The following LRRC18 variants were observed in gnomAD, a reference collection of about 807,000 sequenced individuals.
LRRC18 encodes leucine-rich repeat-containing protein 18.
LRRC18 carries 12 observed loss-of-function variants against 11.2 expected under a neutral mutation model. That is an observed-to-expected ratio of 1.07 (90% confidence interval 0.69 to 1.74). The LOEUF (loss-of-function observed/expected upper bound fraction) is 1.74, where lower values mean the gene tolerates loss of function less well. Ranked by LOEUF, LRRC18 falls within the 40% of genes most tolerant of loss-of-function variation. The pLI is 0.00. For missense variants in LRRC18, 374 were observed against 330.5 expected, an observed-to-expected ratio of 1.13 and a Z score of -1.02; for synonymous variants, 155 against 130.6, an observed-to-expected ratio of 1.19 and a Z score of -1.27.
upstream of LRRC18, among the ~76,000 whole-genome samples, chr10:48,915,042 C>T (rs959012399): frequency 6.6e-6 from 1 of 152,196 alleles, no homozygotes; most frequent in African/African-American, 2.4e-5. Flanking sequence ...GGGATTCTGG[C>T]TTCTGCATGC....
At chr10:48,932,905 G>A in the LRRC18 span, among the ~76,000 whole-genome samples, 1 of 152,168 alleles carries the variant, frequency 6.6e-6, no homozygotes. Flanking sequence ...GGAAGAGGGT[G>A]TAAGCTGGAG....
the LRRC18 span, among the ~76,000 whole-genome samples, chr10:48,928,590 C>A: frequency 1.2e-4 from 18 of 152,292 alleles, no homozygotes; most frequent in African/African-American, 4.3e-4. Context: ...CAAGAGGACA[C>A]ATTGCTCCTT....
exon 1 of LRRC18, chr10:48,914,009 A>G: frequency 1.9e-6 from 3 of 1,614,150 alleles, no homozygotes; most frequent in East Asian, 2.2e-5. Context: ...CCATGTCACT[A>G]AGGCGCAGAA....
chr10:48,913,658 G>C, exon 1 of LRRC18: 1 of 1,613,770 alleles, frequency 6.2e-7, no homozygotes, highest in Non-Finnish European at 8.5e-7. Flanking sequence ...TCAGCTTGGG[G>C]AGCTTGGAGA....
chr10:48,914,985 C>T (rs541155977), upstream of LRRC18, among the ~76,000 whole-genome samples: 10 of 152,260 alleles, frequency 6.6e-5, no homozygotes, highest in Admixed American at 1.3e-4. Context: ...GATAAATGGC[C>T]GTGACTGCCT....
upstream of LRRC18, among the ~76,000 whole-genome samples, chr10:48,918,857 A>C (rs970686970): frequency 6.6e-6 from 1 of 152,230 alleles, no homozygotes; most frequent in Non-Finnish European, 1.5e-5. Context: ...ATAGCTGCCC[A>C]CTAGTTGTAA....
upstream of LRRC18, among the ~76,000 whole-genome samples, chr10:48,919,173 A>G (rs1838823813): frequency 6.6e-6 from 1 of 152,024 alleles, no homozygotes; most frequent in Admixed American, 6.6e-5. Flanking sequence ...CAGACTGACA[A>G]TTTAAAAAAA....
At chr10:48,916,251 C>A (rs189844453), upstream of LRRC18, among the ~76,000 whole-genome samples, 332 of 152,282 alleles carry the variant, frequency 2.2e-3, 1 homozygote, top group African/African-American at 7.7e-3. Context: ...AAACTTTGCA[C>A]CAGATGAGGA....
In LRRC18 at chr10:48,913,718, G is replaced by GAGCT; in HGVS notation, c.434_437dup (p.His147AlafsTer8). On this transcript the variant is annotated frameshift_variant, in exon 1 of 2. Coordinates refer to ENST00000374160, the Ensembl canonical transcript of LRRC18. LOFTEE classifies it high-confidence loss of function. ...GGTTGTCATGGAGCCCTACCTCGTG[G>GAGCT]AGCTCCTTCAGGGCCCCCAGTGTGG... The GAGCT allele has an allele frequency of 6.2e-7, 1 of 1,612,902 alleles. No individual in the cohort carries two copies.
At chr10:48,934,221 T>C in the LRRC18 span, among the ~76,000 whole-genome samples, 14 of 152,344 alleles carry the variant, frequency 9.2e-5, no homozygotes, top group East Asian at 2.7e-3. Flanking sequence ...TGTTGATAAA[T>C]GTATGGAGAA....
At chr10:48,911,239 C>T (rs1354890709) in intron 1 of LRRC18, among the ~76,000 whole-genome samples, 3 of 152,146 alleles carry the variant, frequency 2.0e-5, no homozygotes, top group South Asian at 2.1e-4. Flanking sequence ...TGAGTCATTT[C>T]AGACAGTAGG....
the LRRC18 span, among the ~76,000 whole-genome samples, chr10:48,936,781 T>A: frequency 1.4e-5 from 2 of 144,926 alleles, no homozygotes; most frequent in African/African-American, 5.1e-5. Context: ...GAGGTTGCAG[T>A]GAGCCGAGAT....
chr10:48,918,255 G>A (rs1185489561), upstream of LRRC18, among the ~76,000 whole-genome samples: 1 of 152,128 alleles, frequency 6.6e-6, no homozygotes, highest in Non-Finnish European at 1.5e-5. Flanking sequence ...AAGTGAAAGT[G>A]ACCTACATGC....
the LRRC18 span, among the ~76,000 whole-genome samples, chr10:48,921,553 C>T: frequency 2.0e-5 from 3 of 151,686 alleles, no homozygotes; most frequent in Non-Finnish European, 4.4e-5. Context: ...CAGGCAAAAG[C>T]ACAATTTACA....
chr10:48,933,536 G>A, the LRRC18 span, among the ~76,000 whole-genome samples: 1 of 152,232 alleles, frequency 6.6e-6, no homozygotes. Context: ...ATGCTGGCAG[G>A]AGCTGAGCTA....
At chr10:48,931,808 C>CT in the LRRC18 span, among the ~76,000 whole-genome samples, 1 of 152,230 alleles carries the variant, frequency 6.6e-6, no homozygotes, top group South Asian at 2.1e-4. Flanking sequence ...GCACTAGACA[C>CT]TGCCTCCAAT....
the LRRC18 span, among the ~76,000 whole-genome samples, chr10:48,936,433 TA>T: frequency 6.6e-6 from 1 of 152,054 alleles, no homozygotes; most frequent in Non-Finnish European, 1.5e-5. Flanking sequence ...AAATTGAAAT[TA>T]AATAATATAA....
At chr10:48,931,301 C>T in the LRRC18 span, among the ~76,000 whole-genome samples, 3 of 152,332 alleles carry the variant, frequency 2.0e-5, no homozygotes, top group East Asian at 3.9e-4. Flanking sequence ...GCAGCCAGTG[C>T]TGTCCTAGGT....
upstream of LRRC18, chr10:48,914,238 G>A: frequency 2.1e-6 from 3 of 1,429,360 alleles, no homozygotes; most frequent in Admixed American, 2.1e-5. Context: ...AAAAACTGCT[G>A]AAAGATAAGA....
Sources: allele counts gnomAD v4.1 joint callset (sites outside exome capture counted in the v4.1 genomes callset), GRCh38; gene constraint gnomAD v4.1.1; transcripts MANE v1.5; gene names NCBI Gene and HGNC (gene_info 2026-07-23, HGNC 2026-07-21).